The following ZNF461 variants were observed in gnomAD, a reference collection of about 807,000 sequenced individuals.
ZNF461 encodes the protein zinc finger protein 461, also known as gonadotropin-inducible ovarian transcription factor-1.
Under a neutral mutation model 18.3 loss-of-function variants are expected in ZNF461, and 16 were observed. That is an observed-to-expected ratio of 0.88 (90% CI 0.59 to 1.33). The LOEUF is 1.33. ZNF461 is among the 40% of genes most tolerant of loss of function. ZNF461 has a pLI of 0.00. For missense variants in ZNF461, 595 were observed against 669.9 expected (o/e 0.89, Z 1.23); for synonymous variants, 179 against 216.9 (o/e 0.83, Z 1.54).
intron 5 of ZNF461, among the ~76,000 whole-genome samples, chr19:36,640,631 C>A (rs375448465): frequency 1.4e-4 from 21 of 152,302 alleles, no homozygotes; most frequent in African/African-American, 4.8e-4. Flanking sequence ...AGGTGGCCCA[C>A]GCCCTATATT....
chr19:36,656,467 C>G lies in ZNF461; in HGVS notation c.213G>C (p.Glu71Asp), dbSNP rs1360252314. The stretch of plus-strand genomic sequence containing the variant: ...ACTCACCTGGGCACCATCTTCCTGT[C>G]TCTTCCCTCACAACCATCCAGGGCT... ...GKEPWMVVRE[E>D]TGRWCPGTWK... The change falls in exon 4 of 6, where the codon GAG (glutamate) becomes GAC (aspartate). Residue 71 changes from glutamate to aspartate, a missense_variant. Transcript: ENST00000588268. 1.9e-6 allele frequency: 3 copies of G among 1,614,216 alleles called. No homozygotes were observed. The Admixed American group carries it at 5.0e-5, about 27-fold the overall frequency.
chr19:36,638,607 T>C lies in ZNF461; in HGVS notation c.*46A>G, dbSNP rs778945991. ...AATGAAACTGGTGGCTTACCAACTT[T>C]TTCCTTAAATAAAACAAAGACAATG... On this transcript the variant is annotated 3_prime_UTR_variant, in exon 6 of 6. Transcript: ENST00000588268. The C allele has an allele frequency of 7.2e-5, 103 of 1,429,686 alleles. No homozygotes were observed. Among genetic ancestry groups the C allele is most frequent in the Non-Finnish European group, 8.9e-5 (96 of 1,073,916 alleles). 88.6% of individuals were successfully genotyped at this position (1,429,686 alleles called of 1,614,324 possible). A position where few individuals can be genotyped will look rare whatever the true frequency, so the allele number is the denominator to read the frequency against.
chr19:36,654,255 C>T (rs1423911596), intron 4 of ZNF461, among the ~76,000 whole-genome samples: 2 of 152,110 alleles, frequency 1.3e-5, no homozygotes, highest in Non-Finnish European at 2.9e-5. Flanking sequence ...AGAATATGTA[C>T]CATTTTTCCA....
At chr19:36,656,368 G>C (rs1436221171) in intron 4 of ZNF461, 80 bp downstream of exon 4, 2 of 1,178,442 alleles carry the variant, frequency 1.7e-6, no homozygotes, top group African/African-American at 3.0e-5. Context: ...CCAAAGTTTG[G>C]TTTAAAATAA....
At chr19:36,643,927 G>A in intron 4 of ZNF461, 65 bp from the exon 5 acceptor site, 1 of 1,252,766 alleles carries the variant, frequency 8.0e-7, no homozygotes, top group African/African-American at 1.6e-5. Context: ...AATAAAAAGA[G>A]AATATCTATT....
chr19:36,658,471 T>C (rs2037763938), intron 2 of ZNF461, 46 bp from the exon 3 acceptor site: 7 of 1,530,408 alleles, frequency 4.6e-6, no homozygotes, highest in Non-Finnish European at 6.2e-6. Context: ...ATAAGAAATG[T>C]TTTTAAAAAG....
chr19:36,661,861 A>G (rs2037823884), intron 2 of ZNF461, among the ~76,000 whole-genome samples: 1 of 152,070 alleles, frequency 6.6e-6, no homozygotes, highest in African/African-American at 2.4e-5. Context: ...CACATTTCCA[A>G]GTATTTCTTT....
intron 4 of ZNF461, among the ~76,000 whole-genome samples, chr19:36,648,136 A>C (rs2037560919): frequency 6.6e-6 from 1 of 151,926 alleles, no homozygotes; most frequent in Middle Eastern, 3.4e-3. Context: ...CTGAGATTGC[A>C]CCATTGCTTT....
Position 36,661,962 on chromosome 19 carries a change from C to T in ZNF461, c.9+2736G>A, listed in dbSNP as rs140295860. Reference sequence around the variant, plus strand: ...TCGGCTCACTGCAACCTCTGCCTCCCGGGTTCAAGTGATTCTTCTGCTTCA... The same window carrying T: ...TCGGCTCACTGCAACCTCTGCCTCCTGGGTTCAAGTGATTCTTCTGCTTCA... On this transcript the variant is annotated intron_variant, in intron 2 of 5. Transcript: ENST00000588268. Among the ~76,000 whole-genome samples the T allele has an allele frequency of 1.0e-3, 154 of 152,088 alleles. 3 individuals carry two copies. In the East Asian group the frequency reaches 0.027, roughly 27 times the overall value.
intron 5 of ZNF461, among the ~76,000 whole-genome samples, chr19:36,642,359 A>G (rs895659787): frequency 6.6e-6 from 1 of 152,080 alleles, no homozygotes; most frequent in Admixed American, 6.6e-5. Flanking sequence ...TCCTCCACCC[A>G]CATGTCGGGT....
At chr19:36,653,860 G>A (rs776959486) in intron 4 of ZNF461, among the ~76,000 whole-genome samples, 3 of 152,200 alleles carry the variant, frequency 2.0e-5, no homozygotes, top group Non-Finnish European at 4.4e-5. Context: ...TAACACAAGG[G>A]AGTCTTGTGA....
At chr19:36,661,347 G>C (rs2037816003) in intron 2 of ZNF461, among the ~76,000 whole-genome samples, 2 of 150,966 alleles carry the variant, frequency 1.3e-5, no homozygotes, top group African/African-American at 2.4e-5. Context: ...AAAATGACTT[G>C]AATAGTGTAA....
chr19:36,654,506 A>G (rs2037682845), intron 4 of ZNF461, among the ~76,000 whole-genome samples: 1 of 151,954 alleles, frequency 6.6e-6, no homozygotes, highest in African/African-American at 2.4e-5. Flanking sequence ...AGATGGGACT[A>G]CAGGTAGCAT....
At chr19:36,656,905 C>T (rs2037731751) in intron 3 of ZNF461, among the ~76,000 whole-genome samples, 1 of 151,748 alleles carries the variant, frequency 6.6e-6, no homozygotes, top group South Asian at 2.1e-4. Flanking sequence ...CTGCAACCTC[C>T]ACTTCACGGG....
In ZNF461 at chr19:36,639,023, T is replaced by G. The variant is rs1465338026; in HGVS notation, c.1322A>C (p.Tyr441Ser). Reference sequence around the variant, plus strand: ...AGTCTTCCCACATTCCTTACACTCATAGGGTTTCTCACCAGTATGAATCCT... The same window carrying G: ...AGTCTTCCCACATTCCTTACACTCAGAGGGTTTCTCACCAGTATGAATCCT... ...HQRIHTGEKP[Y>S]ECKECGKTFR... Residue 441 changes from tyrosine to serine, a missense_variant, in exon 6 of 6, where the codon TAT becomes TCT. Transcript: ENST00000588268. 2 of 1,614,086 alleles carry G rather than the reference T, an allele frequency of 1.2e-6. No individual in the cohort carries two copies. Among genetic ancestry groups the G allele is most frequent in the East Asian group, 4.5e-5 (2 of 44,880 alleles).
At position 36,637,997 on chromosome 19, in the gene ZNF461, C is replaced by A; in HGVS notation, c.*656G>T. The A allele has an allele frequency of 4.0e-6, 1 of 247,024 alleles. No homozygotes were observed. The highest frequency in any genetic ancestry group is 8.1e-6 in the Non-Finnish European group (1 of 123,748). The allele number at this position is 247,024 out of a possible 1,614,324, so 15.3% of individuals were successfully genotyped here. On this transcript the variant is annotated 3_prime_UTR_variant, in exon 6 of 6. Coordinates refer to ENST00000588268, the MANE Select transcript of ZNF461 (RefSeq NM_153257.5). Reference sequence around the variant, plus strand: ...AATGTCAAAATATATACGCCAGATACTCTTTAATCCCACTGTTGGGAATCT... The same window carrying A: ...AATGTCAAAATATATACGCCAGATAATCTTTAATCCCACTGTTGGGAATCT...
At chr19:36,659,095 T>C (rs894308353) in intron 2 of ZNF461, among the ~76,000 whole-genome samples, 1 of 152,170 alleles carries the variant, frequency 6.6e-6, no homozygotes, top group East Asian at 1.9e-4. Context: ...TCTGGGGATG[T>C]TCCTTCTGGA....
intron 1 of ZNF461, among the ~76,000 whole-genome samples, chr19:36,665,243 G>A (rs1397572015): frequency 6.6e-6 from 1 of 152,024 alleles, no homozygotes; most frequent in Non-Finnish European, 1.5e-5. Context: ...CAACACAGAT[G>A]GAAGAGAAAA....
In ZNF461 at chr19:36,638,220, C is replaced by T. The variant is rs192376759; in HGVS notation, c.*433G>A. 9.7e-5 allele frequency: 17 copies of T among 175,474 alleles called. No individual in the cohort carries two copies. The highest frequency in any genetic ancestry group is 4.8e-4 in the East Asian group (3 of 6,276). The allele number at this position is 175,474 out of a possible 1,614,324, so 10.9% of individuals were successfully genotyped here. A position where few individuals can be genotyped will look rare whatever the true frequency, so the allele number is the denominator to read the frequency against. ...CATGATTATTATGAAAAGGACAAGA[C>T]GCTGTCAAATGTCTGTATGGGGGTA... is the stretch of plus-strand genomic sequence containing the variant. On this transcript the variant is annotated 3_prime_UTR_variant, in exon 6 of 6. Transcript: ENST00000588268.
Sources: allele counts gnomAD v4.1 joint callset (sites outside exome capture counted in the v4.1 genomes callset), GRCh38; gene constraint gnomAD v4.1.1; transcripts MANE v1.5; gene names NCBI Gene and HGNC (gene_info 2026-07-23, HGNC 2026-07-21).